RPS6KA2: variants seen among roughly 807,000 people sequenced by gnomAD.
RPS6KA2 encodes the protein ribosomal protein S6 kinase alpha-2.
Under a neutral mutation model 91.8 loss-of-function variants are expected in RPS6KA2, and 42 were observed. That is an observed-to-expected ratio of 0.46 (90% CI 0.36 to 0.59). The LOEUF is 0.59. RPS6KA2 is among the 20% of genes least tolerant of loss of function. RPS6KA2 has a pLI of 0.00. For synonymous variants in RPS6KA2, 414 were observed against 393.6 expected (o/e 1.05, Z -0.61); for missense variants, 798 against 978.5 (o/e 0.82, Z 2.46).
rs1258247421 is a variant in RPS6KA2 at position 166,648,060 on chromosome 6, A to G, written c.124-109276T>C. ...TGCTCTCACACACATGCACATGCTC[A>G]CACACATGCACACGCACATGGTCAT... On this transcript the variant is annotated intron_variant, in intron 2 of 21. Transcript: ENST00000503859. The surrounding 1 kb of genome is among the most constrained non-coding windows in gnomAD (Gnocchi z 4.8). Among the ~76,000 whole-genome samples the G allele has an allele frequency of 1.3e-5, 2 of 151,474 alleles. No individual in the cohort carries two copies. Among genetic ancestry groups the G allele is most frequent in the Non-Finnish European group, 2.9e-5 (2 of 67,880 alleles).
At position 166,459,102 on chromosome 6, in the gene RPS6KA2, G is replaced by A. The variant is rs191756507; in HGVS notation, c.1075+347C>T. ...ACATAACTGACAGCCTTCCCTCTCC[G>A]TAAATGCACTTTAATTGAAAGAGGG... is the stretch of plus-strand genomic sequence containing the variant. On this transcript the variant is annotated intron_variant, in intron 12 of 20. Coordinates refer to ENST00000265678, the MANE Select transcript of RPS6KA2 (RefSeq NM_021135.6). The surrounding 1 kb of genome is among the most constrained non-coding windows in gnomAD (Gnocchi z 4.9). Among the ~76,000 whole-genome samples the A allele has an allele frequency of 2.4e-4, 37 of 152,236 alleles. No homozygotes were observed. Among genetic ancestry groups the A allele is most frequent in the Non-Finnish European group, 4.3e-4 (29 of 68,022 alleles).
chr6:166,827,944 A>G (rs1183837313), intron 2 of RPS6KA2, among the ~76,000 whole-genome samples: 1 of 152,252 alleles, frequency 6.6e-6, no homozygotes, highest in African/African-American at 2.4e-5. Flanking sequence ...AGGTGCCTCA[A>G]CTTCCTCTTG....
At chr6:166,628,207 C>CTT (rs201978488), upstream of RPS6KA2, among the ~76,000 whole-genome samples, 1 of 151,624 alleles carries the variant, frequency 6.6e-6, no homozygotes, top group Non-Finnish European at 1.5e-5. Flanking sequence ...AAGGGAAACA[C>CTT]TTTTTTCTTT....
At chr6:166,599,743 T>C (rs896672343) in intron 1 of RPS6KA2, among the ~76,000 whole-genome samples, 1 of 152,212 alleles carries the variant, frequency 6.6e-6, no homozygotes, top group Non-Finnish European at 1.5e-5. Context: ...GCAGGAGTGT[T>C]AGCCCAATAT....
chr6:166,702,029 T>C (rs1789536898), intron 2 of RPS6KA2: 1 of 1,068,344 alleles, frequency 9.4e-7, no homozygotes, highest in Non-Finnish European at 1.5e-6. Context: ...ATCTTGAGTT[T>C]CCTTACGCAT....
chr6:166,451,201 G>A lies in RPS6KA2; in HGVS notation c.1108C>T (p.His370Tyr), dbSNP rs779040713. The change falls in exon 13 of 21, where the codon CAT becomes TAT. Residue 370 changes from histidine to tyrosine, a missense_variant. By Grantham distance (83) the His-to-Tyr change is moderately conservative. Coordinates refer to ENST00000265678, the MANE Select transcript of RPS6KA2 (RefSeq NM_021135.6). The stretch of plus-strand genomic sequence containing the variant: ...AAGCTGAATCCTCTAAACAGGTGAT[G>A]AGCGTTTGCACTCGGGGGGACGCCA... ...SPGVPPSANA[H>Y]HLFRGFSFVA... The A allele has an allele frequency of 7.4e-6, 12 of 1,614,004 alleles. No homozygotes were observed. The highest frequency in any genetic ancestry group is 8.5e-6 in the Non-Finnish European group (10 of 1,180,024).
At chr6:166,777,437 G>C (rs1429041347) in intron 2 of RPS6KA2, among the ~76,000 whole-genome samples, 2 of 152,162 alleles carry the variant, frequency 1.3e-5, no homozygotes, top group Non-Finnish European at 2.9e-5. Flanking sequence ...AGCACAGAGA[G>C]AGGAAGTGGC....
Position 166,627,009 on chromosome 6 carries a change from C to T in RPS6KA2, c.11G>A (p.Ser4Asn). The part of the protein sequence containing the change: MDL[S>N]MKKFAVRRFF... ...CCTGCGCACGGCGAACTTCTTCATG[C>T]TCAGGTCCATCGCCCCGCGCCCAGC... The change falls in exon 1 of 21, where the codon AGC (serine) becomes AAC (asparagine). Residue 4 changes from serine to asparagine, a missense_variant. Physicochemically the swap from Ser to Asn is conservative, Grantham distance 46 (BLOSUM62 1). Transcript: ENST00000265678. The T allele has an allele frequency of 6.6e-7, 1 of 1,526,370 alleles. No homozygotes were observed. Among genetic ancestry groups the T allele is most frequent in the South Asian group, 1.2e-5 (1 of 81,518 alleles). 94.6% of individuals were successfully genotyped at this position (1,526,370 alleles called of 1,614,324 possible).
chr6:166,412,376 G>A lies in RPS6KA2; in HGVS notation c.*386C>T, dbSNP rs1778335542. The A allele has an allele frequency of 6.4e-6, 1 of 157,008 alleles. No homozygotes were observed. The highest frequency in any genetic ancestry group is 6.5e-5 in the Admixed American group (1 of 15,462). 9.7% of individuals were successfully genotyped at this position (157,008 alleles called of 1,614,324 possible). A position where few individuals can be genotyped will look rare whatever the true frequency, so the allele number is the denominator to read the frequency against. On this transcript the variant is annotated 3_prime_UTR_variant, in exon 21 of 21. Coordinates refer to ENST00000265678, the MANE Select transcript of RPS6KA2 (RefSeq NM_021135.6). This position sits in a 1 kb window ranked among gnomAD's most constrained non-coding sequence, Gnocchi z 4.3. ...TGCCACTTTCCCACCGGGTACCTGG[G>A]ACGTGGGTGTCGGGAGTCTGACCAA...
chr6:166,425,148 C>T, intron 16 of RPS6KA2, among the ~76,000 whole-genome samples: 1 of 152,138 alleles, frequency 6.6e-6, no homozygotes, highest in East Asian at 1.9e-4. Flanking sequence ...CTAACTAGCC[C>T]TCATCTTCTG....
intron 1 of RPS6KA2, among the ~76,000 whole-genome samples, chr6:166,604,458 C>T (rs564577382): frequency 1.4e-4 from 21 of 152,036 alleles, no homozygotes; most frequent in African/African-American, 4.6e-4. Context: ...CAGAGTGGTG[C>T]GTGCTTCCCC....
intron 2 of RPS6KA2, among the ~76,000 whole-genome samples, chr6:166,819,951 T>C (rs945514914): frequency 1.1e-4 from 16 of 152,158 alleles, no homozygotes; most frequent in Non-Finnish European, 1.9e-4. Context: ...GTTTTTCCAC[T>C]TTTCTACCCC....
chr6:166,757,209 T>C (rs1778037419), intron 2 of RPS6KA2, among the ~76,000 whole-genome samples: 1 of 152,230 alleles, frequency 6.6e-6, no homozygotes, highest in Non-Finnish European at 1.5e-5. Context: ...CCTTTGCTTC[T>C]GCACTTGCAG....
chr6:166,467,238 C>A (rs116936737), intron 11 of RPS6KA2, among the ~76,000 whole-genome samples: 1 of 119,952 alleles, frequency 8.3e-6, no homozygotes, highest in Non-Finnish European at 1.9e-5. Flanking sequence ...TCCCTCCTTC[C>A]CTCACTCATC....
At chr6:166,632,721 G>A (rs533524953) in intron 2 of RPS6KA2, among the ~76,000 whole-genome samples, 2 of 152,270 alleles carry the variant, frequency 1.3e-5, no homozygotes, top group African/African-American at 4.8e-5. Flanking sequence ...ACACAGAGGA[G>A]AAAGACCAGA....
At chr6:166,739,649 C>T (rs915286587) in intron 2 of RPS6KA2, among the ~76,000 whole-genome samples, 5 of 152,238 alleles carry the variant, frequency 3.3e-5, no homozygotes, top group African/African-American at 4.8e-5. Flanking sequence ...GGGGACCCCA[C>T]GGTCATTGAG....
chr6:166,431,827 G>C (rs1244151709), intron 15 of RPS6KA2, among the ~76,000 whole-genome samples: 1 of 151,932 alleles, frequency 6.6e-6, no homozygotes, highest in Non-Finnish European at 1.5e-5. Flanking sequence ...TGTTGACCAG[G>C]CTGGTCTCAA....
At chr6:166,556,748 AG>A (rs1397944393) in intron 1 of RPS6KA2, among the ~76,000 whole-genome samples, 1 of 152,242 alleles carries the variant, frequency 6.6e-6, no homozygotes. Context: ...CTCTGAGTCC[AG>A]CTGTCTGAAT....
intron 11 of RPS6KA2, chr6:166,460,770 T>C (rs1466826078): frequency 6.6e-6 from 1 of 152,276 alleles, no homozygotes; most frequent in Non-Finnish European, 1.5e-5. Context: ...TGGAGTCCTG[T>C]CCTGGGCACT....
Sources: allele counts gnomAD v4.1 joint callset (sites outside exome capture counted in the v4.1 genomes callset), GRCh38; gene constraint gnomAD v4.1.1; non-coding constraint Gnocchi (gnomAD v3.1); transcripts MANE v1.5; gene names NCBI Gene and HGNC (gene_info 2026-07-23, HGNC 2026-07-21).